Variants in MGST2 observed in about 807,000 individuals in gnomAD.
MGST2 encodes the protein microsomal glutathione S-transferase 2, also known as glutathione peroxidase MGST2.
In MGST2, 9 loss-of-function variants were observed where a neutral mutation model predicts 16.6. The observed-to-expected ratio is 0.54, with a 90% CI of 0.33 to 0.95. The LOEUF (loss-of-function observed/expected upper bound fraction) is 0.95, where lower values mean the gene tolerates loss of function less well. Among genes scored for constraint, MGST2 ranks in the 40% least tolerant of loss-of-function variants. MGST2 has a pLI of 0.03. For synonymous variants in MGST2, 79 were observed against 68.0 expected, an observed-to-expected ratio of 1.16 and a Z score of -0.79; for missense variants, 159 against 175.1, an observed-to-expected ratio of 0.91 and a Z score of 0.52.
intron 5 of MGST2, among the ~76,000 whole-genome samples, chr4:139,714,194 TA>T (rs1727850428): frequency 6.6e-6 from 1 of 152,230 alleles, no homozygotes; most frequent in African/African-American, 2.4e-5. Flanking sequence ...ACAGGTATTC[TA>T]AGCCCATGTT....
chr4:139,711,915 G>A (rs345974), intron 5 of MGST2, among the ~76,000 whole-genome samples: 94,772 of 151,926 alleles, frequency 0.62, 33,640 homozygotes, highest in Non-Finnish European at 0.81. Context: ...CTAACTATGA[G>A]GGTCTCTTGC....
chr4:139,729,094 C>T (rs1403054991), intron 5 of MGST2, among the ~76,000 whole-genome samples: 1 of 145,810 alleles, frequency 6.9e-6, no homozygotes, highest in South Asian at 2.2e-4. Flanking sequence ...ACAATAGCTG[C>T]CAGGCGGCTG....
chr4:139,719,613 C>T (rs1728146194), intron 5 of MGST2: 1 of 1,612,756 alleles, frequency 6.2e-7, no homozygotes, highest in Non-Finnish European at 8.5e-7. Flanking sequence ...ATTGGCCTCG[C>T]CTGGCTGGTG....
At chr4:139,721,995 AT>A (rs1274246762) in intron 5 of MGST2, among the ~76,000 whole-genome samples, 1 of 152,172 alleles carries the variant, frequency 6.6e-6, no homozygotes, top group Non-Finnish European at 1.5e-5. Context: ...TGAGTCAGAG[AT>A]TGATTGGATA....
intron 1 of MGST2, among the ~76,000 whole-genome samples, chr4:139,677,570 C>T (rs1185888230): frequency 2.6e-5 from 4 of 151,028 alleles, no homozygotes; most frequent in African/African-American, 4.9e-5. Context: ...GGCATGATCT[C>T]GGCTCACTGC....
At chr4:139,668,893 C>A (rs1730516381) in intron 1 of MGST2, among the ~76,000 whole-genome samples, 1 of 152,026 alleles carries the variant, frequency 6.6e-6, no homozygotes, top group Non-Finnish European at 1.5e-5. Flanking sequence ...TCAGTTGGGT[C>A]TTTGCTTGGC....
At chr4:139,752,168 A>G in the MGST2 span, among the ~76,000 whole-genome samples, 1 of 152,244 alleles carries the variant, frequency 6.6e-6, no homozygotes, top group Admixed American at 6.5e-5. Flanking sequence ...TTCCTATTTC[A>G]TTAGCTCTAA....
chr4:139,716,029 G>A (rs369195667), intron 5 of MGST2, among the ~76,000 whole-genome samples: 1 of 152,148 alleles, frequency 6.6e-6, no homozygotes, highest in Non-Finnish European at 1.5e-5. Flanking sequence ...CCAAAGTGCT[G>A]GGTGGGATTG....
At chr4:139,703,331 A>T in intron 3 of MGST2, 124 bp from the exon 4 acceptor site, 1 of 817,378 alleles carries the variant, frequency 1.2e-6, no homozygotes, top group East Asian at 2.6e-5. Context: ...TTCTCTCTAT[A>T]TTCTGAATAT....
chr4:139,710,414 G>A (rs1727691113), intron 5 of MGST2, among the ~76,000 whole-genome samples: 1 of 152,198 alleles, frequency 6.6e-6, no homozygotes, highest in Non-Finnish European at 1.5e-5. Context: ...AAAAGAGAAA[G>A]GTATTCCATT....
chr4:139,743,168 A>C (rs1194373678), downstream of MGST2, among the ~76,000 whole-genome samples: 1 of 152,204 alleles, frequency 6.6e-6, no homozygotes, highest in Non-Finnish European at 1.5e-5. Context: ...ACACGTCTCC[A>C]CCTAAAGTTA....
intron 2 of MGST2, among the ~76,000 whole-genome samples, chr4:139,694,089 A>G (rs1347793774): frequency 6.6e-6 from 1 of 151,846 alleles, no homozygotes; most frequent in Non-Finnish European, 1.5e-5. Context: ...TTTCCCATGT[A>G]GTTGAGGCAT....
At chr4:139,696,091 C>T (rs1726904882) in intron 3 of MGST2, among the ~76,000 whole-genome samples, 1 of 152,084 alleles carries the variant, frequency 6.6e-6, no homozygotes, top group Admixed American at 6.5e-5. Flanking sequence ...CAAATATTTA[C>T]TATTTATTAA....
intron 1 of MGST2, among the ~76,000 whole-genome samples, chr4:139,673,557 C>T (rs781541543): frequency 1.3e-5 from 2 of 152,126 alleles, no homozygotes; most frequent in African/African-American, 4.8e-5. Flanking sequence ...CAGGCGTGCA[C>T]CATCACCACA....
chr4:139,753,341 A>AATCTATGT, the MGST2 span, among the ~76,000 whole-genome samples: 3 of 146,578 alleles, frequency 2.0e-5, no homozygotes, highest in Admixed American at 2.1e-4. Context: ...TTTTCTTTTT[A>AATCTATGT]ATCTATCTAT....
intron 3 of MGST2, among the ~76,000 whole-genome samples, chr4:139,696,410 A>G (rs1200063935): frequency 6.6e-6 from 1 of 152,266 alleles, no homozygotes; most frequent in Non-Finnish European, 1.5e-5. Context: ...GTAAAAAAGC[A>G]GACTTGAATC....
chr4:139,691,107 G>A (rs1160102232), intron 2 of MGST2, among the ~76,000 whole-genome samples: 1 of 152,162 alleles, frequency 6.6e-6, no homozygotes, highest in African/African-American at 2.4e-5. Context: ...GTTCAAAGAG[G>A]GCTCTCGCCA....
Position 139,691,130 on chromosome 4 carries a change from A to G in MGST2, c.159-4067A>G, listed in dbSNP as rs558775034. 2.6e-5 allele frequency among the ~76,000 whole-genome samples: 4 copies of G among 152,334 alleles called. No individual in the cohort carries two copies. The South Asian group carries it at 8.3e-4, about 32-fold the overall frequency. On this transcript the variant is annotated intron_variant, in intron 2 of 4. Transcript: ENST00000265498. ...AGGGCTCTCGCCAGGGAATGAGTAT[A>G]CACAGCCTGTTTTCCCATGGACAGC...
intron 5 of MGST2, chr4:139,730,794 G>T: frequency 2.5e-6 from 2 of 801,398 alleles, no homozygotes; most frequent in Non-Finnish European, 3.9e-6. Flanking sequence ...GTTTTTGAGT[G>T]GCACGCATTG....
Sources: gnomAD v4.1 joint callset for allele counts (sites outside exome capture counted in the v4.1 genomes callset) on GRCh38, gnomAD v4.1.1 for gene constraint, MANE v1.5 for transcripts, NCBI Gene and HGNC (gene_info 2026-07-23, HGNC 2026-07-21) for gene names.